Variants in ADGRL2 observed in about 807,000 individuals in gnomAD.
ADGRL2 encodes the protein calcium-independent alpha-latrotoxin receptor 2.
ADGRL2 carries 44 observed loss-of-function variants against 157.4 expected under a neutral mutation model. The observed-to-expected ratio is 0.28, with a 90% confidence interval of 0.22 to 0.36. The LOEUF is 0.36. Among genes scored for constraint, ADGRL2 ranks in the 10% least tolerant of loss-of-function variants. The pLI is 1.00. For missense variants in ADGRL2, 1,510 were observed against 1,768.9 expected (o/e 0.85, Z 2.63); for synonymous variants, 585 against 624.7 (o/e 0.94, Z 0.95).
chr1:81,834,733 G>A (rs939440473), intron 1 of ADGRL2, among the ~76,000 whole-genome samples: 3 of 151,800 alleles, frequency 2.0e-5, no homozygotes, highest in African/African-American at 7.3e-5. Context: ...CAGGCAGATT[G>A]ACTTAAGCTT....
intron 3 of ADGRL2, among the ~76,000 whole-genome samples, chr1:81,602,078 C>G (rs2081343090): frequency 6.6e-6 from 1 of 152,004 alleles, no homozygotes; most frequent in Non-Finnish European, 1.5e-5. Context: ...TCCTGAGTTT[C>G]AAGCAAACCT....
intron 5 of ADGRL2, chr1:81,942,696 G>A: frequency 2.2e-6 from 1 of 453,166 alleles, no homozygotes; most frequent in Non-Finnish European, 4.1e-6. Flanking sequence ...TGAAAACATA[G>A]CAAAAATTTA....
chr1:81,763,636 G>A (rs1347655953), intron 2 of ADGRL2, among the ~76,000 whole-genome samples: 4 of 150,462 alleles, frequency 2.7e-5, no homozygotes, highest in Non-Finnish European at 4.4e-5. Context: ...TGTAATCCCA[G>A]CACTTTGGGA....
chr1:81,576,836 T>C (rs2148519482), intron 2 of ADGRL2, among the ~76,000 whole-genome samples: 1 of 152,330 alleles, frequency 6.6e-6, no homozygotes, highest in Non-Finnish European at 1.5e-5. Flanking sequence ...ATGAGTTTTT[T>C]ATAAAGTTTA....
intron 1 of ADGRL2, among the ~76,000 whole-genome samples, chr1:81,727,337 C>T (rs1259959339): frequency 6.6e-6 from 1 of 152,036 alleles, no homozygotes; most frequent in Non-Finnish European, 1.5e-5. Context: ...AAACAACTAC[C>T]ATTAATGTTT....
At chr1:81,476,532 G>A (rs1426847931) in intron 2 of ADGRL2, among the ~76,000 whole-genome samples, 1 of 152,052 alleles carries the variant, frequency 6.6e-6, no homozygotes, top group African/African-American at 2.4e-5. Flanking sequence ...CTCAAGCCCA[G>A]ATCCTTCTTC....
At chr1:81,774,796 A>ATGTT (rs1300276567) in intron 2 of ADGRL2, among the ~76,000 whole-genome samples, 2 of 152,000 alleles carry the variant, frequency 1.3e-5, no homozygotes, top group Non-Finnish European at 2.9e-5. Context: ...TGTTGAAGTT[A>ATGTT]TGTTTATATA....
intron 3 of ADGRL2, among the ~76,000 whole-genome samples, chr1:81,909,423 A>G (rs2094659852): frequency 6.6e-6 from 1 of 152,160 alleles, no homozygotes; most frequent in Non-Finnish European, 1.5e-5. Flanking sequence ...AACAAGTTCA[A>G]CTTAAGAAAG....
intron 3 of ADGRL2, among the ~76,000 whole-genome samples, chr1:81,935,945 A>C (rs1349684068): frequency 2.0e-5 from 3 of 151,956 alleles, no homozygotes; most frequent in Non-Finnish European, 4.4e-5. Context: ...CATTCTAGGC[A>C]TCATGTTAGT....
intron 1 of ADGRL2, among the ~76,000 whole-genome samples, chr1:81,412,733 A>C (rs2076967886): frequency 6.6e-6 from 1 of 152,242 alleles, no homozygotes; most frequent in South Asian, 2.1e-4. Context: ...AATTGGGTGA[A>C]GGATGTATAG....
intron 1 of ADGRL2, among the ~76,000 whole-genome samples, chr1:81,417,596 C>T (rs1439560161): frequency 1.3e-5 from 2 of 152,090 alleles, no homozygotes; most frequent in Non-Finnish European, 2.9e-5. Flanking sequence ...AACACAGTGA[C>T]ATTATTTAAG....
intron 2 of ADGRL2, among the ~76,000 whole-genome samples, chr1:81,544,989 T>C (rs572883521): frequency 6.6e-6 from 1 of 152,276 alleles, no homozygotes; most frequent in African/African-American, 2.4e-5. Context: ...TCCAAGAGCC[T>C]GGGTATACGA....
chr1:81,418,854 C>T (rs2077078480), intron 1 of ADGRL2, among the ~76,000 whole-genome samples: 1 of 152,142 alleles, frequency 6.6e-6, no homozygotes, highest in African/African-American at 2.4e-5. Context: ...TTTAACTAAC[C>T]AAATCCATGT....
chr1:81,885,142 TAAG>T (rs2094096377), intron 2 of ADGRL2, among the ~76,000 whole-genome samples: 1 of 152,142 alleles, frequency 6.6e-6, no homozygotes, highest in Non-Finnish European at 1.5e-5. Flanking sequence ...TAAATAGAAG[TAAG>T]GAGGGGAAAG....
intron 3 of ADGRL2, chr1:81,588,287 CA>C: frequency 1.3e-5 from 2 of 152,276 alleles, no homozygotes; most frequent in Non-Finnish European, 1.5e-5. Context: ...TGTTAGCAGC[CA>C]AAAACACTTA....
chr1:81,922,246 G>A (rs1196302918), intron 3 of ADGRL2, among the ~76,000 whole-genome samples: 2 of 152,092 alleles, frequency 1.3e-5, no homozygotes, highest in Non-Finnish European at 2.9e-5. Flanking sequence ...GTTCAGGGAG[G>A]TATTCAGCTT....
chr1:81,423,643 A>G lies in ADGRL2; in HGVS notation c.-301-21393A>G, dbSNP rs575281295. Among the ~76,000 whole-genome samples, 4 of 152,214 alleles carry G rather than the reference A, an allele frequency of 2.6e-5. No individual in the cohort carries two copies. In the East Asian group the frequency reaches 7.7e-4, roughly 29 times the overall value. The stretch of plus-strand genomic sequence containing the variant: ...CATCGTTGTCAATCTGTTTACTCTT[A>G]TTTTCTTATTTCCCTAATAATGTTA... On this transcript the variant is annotated intron_variant, in intron 1 of 24. Transcript: ENST00000370721.
At chr1:81,791,157 G>T (rs1424093795) in intron 2 of ADGRL2, among the ~76,000 whole-genome samples, 1 of 151,502 alleles carries the variant, frequency 6.6e-6, no homozygotes, top group African/African-American at 2.4e-5. Context: ...GGAGTTTGAG[G>T]GGTCTTTTTT....
At chr1:81,790,766 A>C (rs1333936536) in intron 2 of ADGRL2, among the ~76,000 whole-genome samples, 10 of 152,338 alleles carry the variant, frequency 6.6e-5, no homozygotes, top group African/African-American at 2.4e-4. Context: ...AAATGTTTCA[A>C]AATTACTTCA....
Sources: gnomAD v4.1 joint callset for allele counts (sites outside exome capture counted in the v4.1 genomes callset) on GRCh38, gnomAD v4.1.1 for gene constraint, MANE v1.5 for transcripts, NCBI Gene and HGNC (gene_info 2026-07-23, HGNC 2026-07-21) for gene names.